EYS: variants seen among roughly 807,000 people sequenced by gnomAD.
EYS encodes protein eyes shut homolog.
EYS carries 250 observed loss-of-function variants against 282.1 expected under a neutral mutation model. The ratio of observed to expected loss-of-function variants is 0.89; its 90% CI spans 0.80 to 0.98. The LOEUF (loss-of-function observed/expected upper bound fraction) is 0.98. Among genes scored for constraint, EYS ranks in the 50% least tolerant of loss-of-function variants. The probability of loss-of-function intolerance (pLI) is 0.00; values close to 1 mark genes in which losing one functional copy is unlikely to be tolerated. For missense variants in EYS, 4,016 were observed against 3,709.0 expected (o/e 1.08, Z -2.15); for synonymous variants, 1,355 against 1,282.9 (o/e 1.06, Z -1.20).
At chr6:63,759,946 A>G (rs1311176096) in intron 41 of EYS, among the ~76,000 whole-genome samples, 2 of 152,066 alleles carry the variant, frequency 1.3e-5, no homozygotes, top group Admixed American at 6.6e-5. Flanking sequence ...TGGTTGGACC[A>G]TAAAGAATTG....
Position 64,127,676 on chromosome 6 carries a change from G to GT in EYS, c.6425-45675_6425-45674insA, listed in dbSNP as rs796108832. Among the ~76,000 whole-genome samples the GT allele has an allele frequency of 9.9e-5, 15 of 152,110 alleles. 1 individual carries two copies. The highest frequency in any genetic ancestry group is 3.6e-4 in the African/African-American group (15 of 41,530). ...AATGTAAGCTATACTTATGGCTCAA[G>GT]ACAGAGAAAAATAGTTTAAAAATCA... is the stretch of plus-strand genomic sequence containing the variant. On this transcript the variant is annotated intron_variant, in intron 31 of 42. Transcript: ENST00000503581.
At chr6:64,111,486 A>G (rs1179273822) in intron 31 of EYS, among the ~76,000 whole-genome samples, 1 of 152,068 alleles carries the variant, frequency 6.6e-6, no homozygotes, top group African/African-American at 2.4e-5. Flanking sequence ...GAAAGTTGCC[A>G]TCTGAGGGCA....
chr6:64,893,280 A>T (rs768422956), intron 18 of EYS, among the ~76,000 whole-genome samples: 1 of 152,074 alleles, frequency 6.6e-6, no homozygotes, highest in Non-Finnish European at 1.5e-5. Context: ...TCATCTTTAA[A>T]TCATGTTACT....
chr6:64,314,503 C>T (rs1325998537), intron 29 of EYS, among the ~76,000 whole-genome samples: 8 of 151,678 alleles, frequency 5.3e-5, no homozygotes, highest in Non-Finnish European at 1.2e-4. Context: ...CCACATCACA[C>T]TTATTCTAAA....
intron 14 of EYS, among the ~76,000 whole-genome samples, chr6:64,965,677 A>C (rs1040322583): frequency 6.6e-6 from 1 of 152,160 alleles, no homozygotes; most frequent in Non-Finnish European, 1.5e-5. Flanking sequence ...AGAGGTTATC[A>C]GATTTATTAC....
intron 12 of EYS, among the ~76,000 whole-genome samples, chr6:65,259,528 T>C (rs1159676435): frequency 6.6e-6 from 1 of 152,102 alleles, no homozygotes; most frequent in Non-Finnish European, 1.5e-5. Context: ...CAAATTTAGA[T>C]AGTAAAATTG....
chr6:65,638,889 C>A (rs1466277857), intron 2 of EYS, among the ~76,000 whole-genome samples: 1 of 152,186 alleles, frequency 6.6e-6, no homozygotes, highest in Non-Finnish European at 1.5e-5. Context: ...ACAGAGGTTT[C>A]CAGCTGGAAA....
chr6:63,764,996 T>G (rs558944118), intron 40 of EYS, among the ~76,000 whole-genome samples: 2 of 152,030 alleles, frequency 1.3e-5, no homozygotes, highest in Admixed American at 6.6e-5. Flanking sequence ...TAACCCTTGA[T>G]GTTAATTCAT....
intron 2 of EYS, among the ~76,000 whole-genome samples, chr6:65,550,151 T>TCATGGCATCTCAAAC (rs1768559827): frequency 4.7e-5 from 1 of 21,170 alleles, no homozygotes; most frequent in African/African-American, 4.6e-4. Context: ...ATCTTTTTTT[T>TCATGGCATCTCAAAC]TTTTTTTTTT....
intron 12 of EYS, among the ~76,000 whole-genome samples, chr6:65,164,605 C>G (rs1321060552): frequency 6.6e-6 from 1 of 151,208 alleles, no homozygotes; most frequent in Non-Finnish European, 1.5e-5. Context: ...AACATATATA[C>G]TATTTACACT....
At position 65,170,303 on chromosome 6, in the gene EYS, G is replaced by A. The variant is rs149252922; in HGVS notation, c.2024-112576C>T. ...TGATAGAAAAGAACATCCCTGAAAT[G>A]AAAGGTACATGGAGTTTTTTGTCAT... On this transcript the variant is annotated intron_variant, in intron 12 of 42. Transcript: ENST00000503581. 4.1e-3 allele frequency among the ~76,000 whole-genome samples: 626 copies of A among 151,494 alleles called. 5 individuals carry two copies. The highest frequency in any genetic ancestry group is 0.015 in the African/African-American group (601 of 41,442).
intron 33 of EYS, 100 bp from the exon 34 acceptor site, chr6:63,999,283 CT>C (rs1294099604): frequency 2.6e-6 from 2 of 762,632 alleles, no homozygotes; most frequent in African/African-American, 3.4e-5. Context: ...GAGAGAGGTA[CT>C]TTCTGGATCA....
chr6:64,198,848 G>A (rs796204734), intron 31 of EYS, among the ~76,000 whole-genome samples: 7 of 152,294 alleles, frequency 4.6e-5, no homozygotes, highest in South Asian at 2.1e-4. Flanking sequence ...ACCCAGAAAT[G>A]AGATTGCTGG....
At chr6:64,864,385 C>CTTTTTTTTTTTTTTTTGTTTT (rs1766350074) in intron 19 of EYS, among the ~76,000 whole-genome samples, 1 of 57,166 alleles carries the variant, frequency 1.7e-5, no homozygotes, top group Non-Finnish European at 3.6e-5. Context: ...GCTATACCTT[C>CTTTTTTTTTTTTTTTTGTTTT]TTTTTTTTTT....
At chr6:64,146,820 T>C (rs1386333756) in intron 31 of EYS, among the ~76,000 whole-genome samples, 1 of 152,100 alleles carries the variant, frequency 6.6e-6, no homozygotes, top group Non-Finnish European at 1.5e-5. Context: ...CTCAGTTGTT[T>C]ATCAAAGTTA....
intron 35 of EYS, among the ~76,000 whole-genome samples, chr6:63,885,392 T>TG (rs766758575): frequency 5.1e-4 from 78 of 152,288 alleles, no homozygotes; most frequent in Non-Finnish European, 8.8e-4. Flanking sequence ...TCTCATAATT[T>TG]AAGGACTCTT....
chr6:64,073,541 G>T (rs1422792696), intron 32 of EYS, among the ~76,000 whole-genome samples: 1 of 151,720 alleles, frequency 6.6e-6, no homozygotes, highest in East Asian at 1.9e-4. Context: ...AAAATTATTT[G>T]ATTTTAGAAG....
At chr6:65,541,064 T>C (rs2039312) in intron 2 of EYS, among the ~76,000 whole-genome samples, 113,428 of 152,080 alleles carry the variant, frequency 0.75, 43,096 homozygotes, top group African/African-American at 0.89. Flanking sequence ...ATAAATTTAT[T>C]CACATCTTCA....
At chr6:65,113,550 C>T (rs992856747) in intron 12 of EYS, among the ~76,000 whole-genome samples, 7 of 152,010 alleles carry the variant, frequency 4.6e-5, no homozygotes, top group African/African-American at 1.7e-4. Flanking sequence ...ATGGCAGTAT[C>T]TTCTAGCTGT....
Sources: gnomAD v4.1 joint callset for allele counts (sites outside exome capture counted in the v4.1 genomes callset) on GRCh38, gnomAD v4.1.1 for gene constraint, MANE v1.5 for transcripts, NCBI Gene and HGNC (gene_info 2026-07-23, HGNC 2026-07-21) for gene names.